The following CHRDL1 variants were observed in gnomAD, a reference collection of about 807,000 sequenced individuals.
CHRDL1 encodes chordin like 1.
In CHRDL1, 19 loss-of-function variants were observed where a neutral mutation model predicts 40.9. That is an observed-to-expected ratio of 0.46 (90% CI 0.32 to 0.68). The LOEUF is 0.68. CHRDL1 is among the 30% of genes least tolerant of loss of function. The pLI, the probability that CHRDL1 is intolerant of heterozygous loss-of-function variation, is 0.03. For synonymous variants in CHRDL1, 136 were observed against 123.4 expected (o/e 1.10, Z -0.68); for missense variants, 329 against 352.1 (o/e 0.93, Z 0.53).
chrX:110,688,768 C>T lies in CHRDL1; in HGVS notation c.814G>A (p.Glu272Lys), dbSNP rs1308846168. Residue 272 changes from glutamate to lysine, a missense_variant, in exon 9 of 12, where the codon GAG (glutamate) becomes AAG (lysine). Glu to Lys is a moderately conservative substitution (Grantham distance 56). Coordinates refer to ENST00000372042, the MANE Select transcript of CHRDL1 (RefSeq NM_001143981.2). ...VSNGKTYSHG[E>K]SWHPNLRAFG... ...GCCCGGAGGTTTGGGTGCCAGGACT[C>T]GCCATGAGAATAGGTCTTTCCATTG... The T allele has an allele frequency of 1.7e-6, 2 of 1,208,371 alleles. No homozygotes were observed. Among genetic ancestry groups the T allele is most frequent in the Admixed American group, 2.2e-5 (1 of 45,812 alleles).
intron 6 of CHRDL1, among the ~76,000 whole-genome samples, chrX:110,707,667 G>A (rs760954321): frequency 4.1e-4 from 46 of 111,833 alleles, no homozygotes; most frequent in African/African-American, 1.4e-3. Flanking sequence ...AGGCTTAAAC[G>A]TAAGACCTAA....
At chrX:110,758,136 A>C (rs1284611397) in intron 4 of CHRDL1, among the ~76,000 whole-genome samples, 2 of 109,863 alleles carry the variant, frequency 1.8e-5, no homozygotes, top group Non-Finnish European at 3.8e-5. Context: ...AAAACAAAAA[A>C]AAAAAAAACA....
At chrX:110,733,580 T>C (rs776889296) in intron 4 of CHRDL1, among the ~76,000 whole-genome samples, 8 of 111,572 alleles carry the variant, frequency 7.2e-5, no homozygotes, top group Non-Finnish European at 1.3e-4. Context: ...CTATGCCTTC[T>C]ACTTCTCTAT....
In CHRDL1 at chrX:110,700,587, C is replaced by T. The variant is rs1020019217; in HGVS notation, c.609+67G>A. The T allele has an allele frequency of 1.9e-5, 14 of 732,181 alleles. No homozygotes were observed. The African/African-American group carries it at 2.9e-4, about 15-fold the overall frequency. The allele number at this position is 732,181 out of a possible 1,213,427, so 60.3% of individuals were successfully genotyped here. On this transcript the variant is annotated intron_variant, in intron 7 of 11. Transcript: ENST00000372042. ...TTTTTTGGATTTGCTAGAATAGTAG[C>T]CACGAGGAGAGGAAAGCTTGGCCTG...
At chrX:110,676,471 C>A in intron 11 of CHRDL1, 110 bp from the exon 12 acceptor site, 3 of 699,153 alleles carry the variant, frequency 4.3e-6, no homozygotes, top group African/African-American at 2.2e-5. Context: ...ATGGACCTAC[C>A]AGGGAATTTG....
intron 6 of CHRDL1, among the ~76,000 whole-genome samples, chrX:110,717,453 A>G (rs1179408038): frequency 8.9e-6 from 1 of 111,863 alleles, no homozygotes; most frequent in Non-Finnish European, 1.9e-5. Flanking sequence ...GGGGGTTGAC[A>G]TGTATTTGAG....
intron 4 of CHRDL1, among the ~76,000 whole-genome samples, chrX:110,756,815 G>C (rs1721245380): frequency 8.9e-6 from 1 of 112,012 alleles, no homozygotes; most frequent in Non-Finnish European, 1.9e-5. Context: ...CAACAAAGGT[G>C]ACAATTCACA....
rs927636359 is a variant in CHRDL1 at position 110,745,459 on chromosome X, AC to A, written c.301+14201del. Reference sequence around the variant, plus strand: ...TTCCAGCCTCCTCCCTCCTACACAGACCATACTCAACTGCAGTCACGGATCC... The same window carrying A: ...TTCCAGCCTCCTCCCTCCTACACAGACATACTCAACTGCAGTCACGGATCC... On this transcript the variant is annotated intron_variant, in intron 4 of 11. Coordinates refer to ENST00000372042, the MANE Select transcript of CHRDL1 (RefSeq NM_001143981.2). Among the ~76,000 whole-genome samples, 53 of 111,205 alleles carry A rather than the reference AC, an allele frequency of 4.8e-4. 2 individuals carry two copies. Among genetic ancestry groups the A allele is most frequent in the African/African-American group, 1.5e-3 (46 of 30,600 alleles).
At chrX:110,743,199 G>T (rs1359734508) in intron 4 of CHRDL1, among the ~76,000 whole-genome samples, 4 of 112,743 alleles carry the variant, frequency 3.5e-5, no homozygotes, top group Non-Finnish European at 7.5e-5. Flanking sequence ...GACAGTGCTG[G>T]TATAGACAAC....
intron 6 of CHRDL1, among the ~76,000 whole-genome samples, chrX:110,705,936 T>C (rs746275567): frequency 1.8e-5 from 2 of 110,685 alleles, no homozygotes; most frequent in Non-Finnish European, 3.8e-5. Flanking sequence ...CAATGTTCTA[T>C]TAAGTCTATT....
At chrX:110,791,199 C>G (rs1420592797) in intron 2 of CHRDL1, among the ~76,000 whole-genome samples, 1 of 111,457 alleles carries the variant, frequency 9.0e-6, no homozygotes, top group Non-Finnish European at 1.9e-5. Context: ...TTCAGTGAAG[C>G]AGAGAATGCC....
intron 9 of CHRDL1, among the ~76,000 whole-genome samples, chrX:110,683,818 C>T (rs996357360): frequency 9.0e-6 from 1 of 111,135 alleles, no homozygotes; most frequent in Non-Finnish European, 1.9e-5. Context: ...GTTGCCAGGT[C>T]GTTAAGGGGA....
At chrX:110,729,101 T>TG (rs1157384406) in intron 4 of CHRDL1, among the ~76,000 whole-genome samples, 1 of 111,997 alleles carries the variant, frequency 8.9e-6, no homozygotes, top group Non-Finnish European at 1.9e-5. Context: ...CACTCCAGCC[T>TG]GGGCAACAAG....
chrX:110,721,255 C>A, intron 5 of CHRDL1, 130 bp downstream of exon 5: 1 of 661,443 alleles, frequency 1.5e-6, no homozygotes, highest in Non-Finnish European at 2.4e-6. Context: ...GTCAAGGAGG[C>A]TTATGATTTA....
intron 4 of CHRDL1, among the ~76,000 whole-genome samples, chrX:110,721,974 T>C (rs1359797065): frequency 7.1e-5 from 8 of 112,096 alleles, no homozygotes. Context: ...CCATCTATTA[T>C]ACTGCCCTGG....
chrX:110,759,547 C>T (rs2089521225), intron 4 of CHRDL1, 114 bp downstream of exon 4: 2 of 574,087 alleles, frequency 3.5e-6, no homozygotes, highest in African/African-American at 4.5e-5. Context: ...CTAAAGGTTC[C>T]TATTGTTATC....
At chrX:110,689,711 A>C (rs867193130) in intron 8 of CHRDL1, among the ~76,000 whole-genome samples, 10 of 31,424 alleles carry the variant, frequency 3.2e-4, no homozygotes, top group African/African-American at 1.3e-3. Context: ...ATATATCTAT[A>C]TATATATCTA....
chrX:110,693,561 G>T (rs937961708), intron 8 of CHRDL1, among the ~76,000 whole-genome samples: 2 of 109,386 alleles, frequency 1.8e-5, no homozygotes, highest in Admixed American at 2.0e-4. Context: ...TTATTATGTT[G>T]CCCAGCCTGG....
chrX:110,757,130 AG>A (rs1389620308), intron 4 of CHRDL1, among the ~76,000 whole-genome samples: 1 of 111,185 alleles, frequency 9.0e-6, no homozygotes, highest in Non-Finnish European at 1.9e-5. Flanking sequence ...GGAAAAATAA[AG>A]GAGACATTAG....
Sources: gnomAD v4.1 joint callset for allele counts (sites outside exome capture counted in the v4.1 genomes callset) on GRCh38, gnomAD v4.1.1 for gene constraint, MANE v1.5 for transcripts, NCBI Gene and HGNC (gene_info 2026-07-23, HGNC 2026-07-21) for gene names.